CHD9: variants seen among roughly 807,000 people sequenced by gnomAD.
CHD9 encodes chromodomain helicase DNA binding protein 9.
Under a neutral mutation model 316.1 loss-of-function variants are expected in CHD9, and 77 were observed. The ratio of observed to expected loss-of-function variants is 0.24; its 90% CI spans 0.20 to 0.29. The LOEUF is 0.29. CHD9 is among the 10% of genes least tolerant of loss of function. The probability of loss-of-function intolerance (pLI) is 1.00; values close to 1 mark genes in which losing one functional copy is unlikely to be tolerated. For synonymous variants in CHD9, 1,129 were observed against 1,158.3 expected, an observed-to-expected ratio of 0.97 and a Z score of 0.51; for missense variants, 2,763 against 3,438.1, an observed-to-expected ratio of 0.80 and a Z score of 4.91.
At chr16:53,196,178 T>G (rs1399885207) in intron 2 of CHD9, among the ~76,000 whole-genome samples, 2 of 152,206 alleles carry the variant, frequency 1.3e-5, no homozygotes, top group Non-Finnish European at 2.9e-5. Flanking sequence ...TTCCCCAGTT[T>G]TCCATGCTCT....
chr16:53,194,133 A>T (rs544440563), intron 2 of CHD9, among the ~76,000 whole-genome samples: 1 of 152,084 alleles, frequency 6.6e-6, no homozygotes, highest in Non-Finnish European at 1.5e-5. Context: ...CTGTGAGAGG[A>T]TCACTTGAGC....
chr16:53,117,573 C>T (rs1234569001), intron 1 of CHD9, among the ~76,000 whole-genome samples: 3 of 151,912 alleles, frequency 2.0e-5, no homozygotes, highest in African/African-American at 7.3e-5. Flanking sequence ...CACCACCATA[C>T]CCAGCTAATT....
At chr16:53,159,911 C>T (rs1340835048) in intron 2 of CHD9, among the ~76,000 whole-genome samples, 3 of 152,166 alleles carry the variant, frequency 2.0e-5, no homozygotes, top group African/African-American at 7.2e-5. Flanking sequence ...GCCACCATGC[C>T]CGGCCACTTT....
At chr16:53,131,676 C>G (rs1438989437) in intron 1 of CHD9, among the ~76,000 whole-genome samples, 1 of 152,036 alleles carries the variant, frequency 6.6e-6, no homozygotes, top group Non-Finnish European at 1.5e-5. Context: ...GTTGGGTTCC[C>G]TCCCGACGGT....
intron 10 of CHD9, among the ~76,000 whole-genome samples, chr16:53,233,636 G>A (rs1319329422): frequency 6.6e-6 from 1 of 150,732 alleles, no homozygotes; most frequent in East Asian, 2.0e-4. Context: ...CTTCCTTTCT[G>A]CCCATTCCCC....
intron 1 of CHD9, among the ~76,000 whole-genome samples, chr16:53,149,110 C>CA (rs1348186513): frequency 3.9e-5 from 6 of 152,170 alleles, no homozygotes; most frequent in African/African-American, 1.4e-4. Context: ...CCATTGGAGT[C>CA]AGAGAGGACA....
At chr16:53,180,606 A>T (rs1656708977) in intron 2 of CHD9, among the ~76,000 whole-genome samples, 1 of 152,194 alleles carries the variant, frequency 6.6e-6, no homozygotes, top group Non-Finnish European at 1.5e-5. Context: ...TTAAGTGCAT[A>T]TCAGCACCAC....
intron 2 of CHD9, among the ~76,000 whole-genome samples, chr16:53,200,815 G>C (rs887642500): frequency 6.6e-6 from 1 of 152,008 alleles, no homozygotes; most frequent in African/African-American, 2.4e-5. Context: ...AGTAACCAAG[G>C]GTAACATCAC....
Position 53,304,402 on chromosome 16 carries a change from TGATTCTGACTCA to T in CHD9, c.6405_6416del (p.Asp2135_Ser2138del). 1 of 1,610,184 alleles carries T rather than the reference TGATTCTGACTCA, an allele frequency of 6.2e-7. No individual in the cohort carries two copies. The highest frequency in any genetic ancestry group is 8.5e-7 in the Non-Finnish European group (1 of 1,178,104). On this transcript the variant is annotated inframe_deletion, in exon 31 of 39. Transcript: ENST00000447540. Reference sequence around the variant, plus strand: ...ACAAAAGGGGATCAGAATCTAGTTCTGATTCTGACTCAGATTCTGAGAGATCATCTTGTTCTT... The same window carrying T: ...ACAAAAGGGGATCAGAATCTAGTTCTGATTCTGAGAGATCATCTTGTTCTT...
chr16:53,216,329 G>C (rs1264684296), intron 3 of CHD9, among the ~76,000 whole-genome samples: 2 of 151,996 alleles, frequency 1.3e-5, no homozygotes, highest in Non-Finnish European at 2.9e-5. Context: ...GCTATCTGTT[G>C]TCATTGTATA....
intron 1 of CHD9, among the ~76,000 whole-genome samples, chr16:53,127,649 A>C (rs984055982): frequency 1.1e-4 from 17 of 152,080 alleles, no homozygotes; most frequent in Admixed American, 8.5e-4. Flanking sequence ...CAACGGGCAC[A>C]GTGGCTCACA....
rs183726536 is a variant in CHD9, at chr16:53,315,464, C to A, written c.7584+420C>A. On this transcript the variant is annotated intron_variant, in intron 36 of 38. Coordinates refer to ENST00000447540, the MANE Select transcript of CHD9 (RefSeq NM_001308319.2). Reference sequence around the variant, plus strand: ...CTCATTTAACACAATAACTTTATTACGTGGCATTGTTATAACTGTTTTTTG... The same window carrying A: ...CTCATTTAACACAATAACTTTATTAAGTGGCATTGTTATAACTGTTTTTTG... Among the ~76,000 whole-genome samples, 553 of 152,240 alleles carry A rather than the reference C, an allele frequency of 3.6e-3. 2 individuals are homozygous for A. Among genetic ancestry groups the A allele is most frequent in the African/African-American group, 0.012 (515 of 41,554 alleles).
At position 53,132,089 on chromosome 16, in the gene CHD9, T is replaced by TA. The variant is rs558040402; in HGVS notation, c.-164-23829dup. ...TTCTGTTTGTTCTTATTTTTATTTT[T>TA]AAAAAAAATTTTTTTTGGGGGGGGT... On this transcript the variant is annotated intron_variant, in intron 1 of 38. Transcript: ENST00000447540. Among the ~76,000 whole-genome samples, 416 of 139,118 alleles carry TA rather than the reference T, an allele frequency of 3.0e-3. 1 individual carries two copies. Among genetic ancestry groups the TA allele is most frequent in the Non-Finnish European group, 5.3e-3 (329 of 62,456 alleles). The allele number at this position is 139,118 out of a possible 152,430, so 91.3% of individuals were successfully genotyped here. A position where few individuals can be genotyped will look rare whatever the true frequency, so the allele number is the denominator to read the frequency against.
intron 1 of CHD9, among the ~76,000 whole-genome samples, chr16:53,133,059 C>A (rs1436920012): frequency 6.6e-6 from 1 of 152,078 alleles, no homozygotes; most frequent in African/African-American, 2.4e-5. Flanking sequence ...GGAGAGTTTC[C>A]TATAAACTAT....
chr16:53,082,013 G>A (rs2035059462), intron 1 of CHD9, among the ~76,000 whole-genome samples: 1 of 152,086 alleles, frequency 6.6e-6, no homozygotes, highest in Non-Finnish European at 1.5e-5. Flanking sequence ...GAGAGAAAGA[G>A]AAAGAACAAA....
At chr16:53,076,600 GAA>G (rs2034548281) in intron 1 of CHD9, among the ~76,000 whole-genome samples, 1 of 150,914 alleles carries the variant, frequency 6.6e-6, no homozygotes. Context: ...GCAAAGAAAA[GAA>G]AAAATATATA....
intron 38 of CHD9, among the ~76,000 whole-genome samples, chr16:53,323,356 G>A (rs1339714097): frequency 6.6e-6 from 1 of 152,152 alleles, no homozygotes; most frequent in Non-Finnish European, 1.5e-5. Context: ...ATTTCTATTA[G>A]ATAGTGCTGT....
chr16:53,153,353 G>A (rs1418980758), intron 1 of CHD9, among the ~76,000 whole-genome samples: 1 of 152,162 alleles, frequency 6.6e-6, no homozygotes, highest in Non-Finnish European at 1.5e-5. Flanking sequence ...ACAAATTGAT[G>A]ACTCAGAAGA....
chr16:53,097,957 T>TA (rs1167254203), intron 1 of CHD9, among the ~76,000 whole-genome samples: 7 of 151,298 alleles, frequency 4.6e-5, no homozygotes, highest in Admixed American at 1.3e-4. Flanking sequence ...CTGTCTCTAC[T>TA]AAAAATACAA....
Sources: gnomAD v4.1 joint callset for allele counts (sites outside exome capture counted in the v4.1 genomes callset) on GRCh38, gnomAD v4.1.1 for gene constraint, MANE v1.5 for transcripts, NCBI Gene and HGNC (gene_info 2026-07-23, HGNC 2026-07-21) for gene names.